Variants in LOXHD1 observed in about 807,000 individuals in gnomAD.
The protein encoded by LOXHD1 is lipoxygenase homology domain-containing protein 1.
In LOXHD1, 205 loss-of-function variants were observed where a neutral mutation model predicts 248.2. The observed-to-expected ratio is 0.83, with a 90% CI of 0.74 to 0.93. The LOEUF is 0.93. Among genes scored for constraint, LOXHD1 ranks in the 40% least tolerant of loss-of-function variants. The pLI is 0.00. For synonymous variants in LOXHD1, 1,113 were observed against 1,162.8 expected, an observed-to-expected ratio of 0.96 and a Z score of 0.87; for missense variants, 2,930 against 2,971.6, an observed-to-expected ratio of 0.99 and a Z score of 0.33.
chr18:46,560,048 T>TCCCGGG, intron 19 of LOXHD1, 35 bp downstream of exon 19: 1 of 1,226,298 alleles, frequency 8.2e-7, no homozygotes, highest in Non-Finnish European at 1.1e-6. Context: ...GTCTGGCCAC[T>TCCCGGG]CCCTCCCCAC....
At chr18:46,515,289 T>C (rs186471597) in intron 34 of LOXHD1, among the ~76,000 whole-genome samples, 99 of 152,322 alleles carry the variant, frequency 6.5e-4, no homozygotes, top group African/African-American at 2.2e-3. Flanking sequence ...AGTGGGTCTT[T>C]CTATCTATCT....
chr18:46,552,009 A>T (rs1568175477), intron 21 of LOXHD1, among the ~76,000 whole-genome samples: 1 of 152,248 alleles, frequency 6.6e-6, no homozygotes, highest in Non-Finnish European at 1.5e-5. Flanking sequence ...ACTCAAAGTC[A>T]TAGAGACAAA....
Position 46,534,938 on chromosome 18 carries a change from GC to G in LOXHD1, c.4096-488del, listed in dbSNP as rs139825232. On this transcript the variant is annotated intron_variant, in intron 26 of 40. Transcript: ENST00000642948. ...CAGTCCCTAGAACTCCACATTCCTT[GC>G]CACGGGGCCTTTGCACATGCTTTGC... 3.7e-3 allele frequency among the ~76,000 whole-genome samples: 567 copies of G among 152,198 alleles called. 1 individual carries two copies. Among genetic ancestry groups the G allele is most frequent in the African/African-American group, 0.013 (550 of 41,512 alleles).
At chr18:46,513,785 G>C (rs1165683145) in intron 34 of LOXHD1, among the ~76,000 whole-genome samples, 1 of 152,192 alleles carries the variant, frequency 6.6e-6, no homozygotes, top group East Asian at 1.9e-4. Context: ...TGGTAATTTT[G>C]TATCACCACT....
At chr18:46,502,258 G>T (rs1275540745) in intron 37 of LOXHD1, among the ~76,000 whole-genome samples, 1 of 152,152 alleles carries the variant, frequency 6.6e-6, no homozygotes, top group East Asian at 1.9e-4. Flanking sequence ...TTGGAAGGAA[G>T]GGTACAGTAT....
chr18:46,601,745 G>C (rs1182817657), intron 7 of LOXHD1: 5 of 432,606 alleles, frequency 1.2e-5, no homozygotes, highest in Non-Finnish European at 2.2e-5. Flanking sequence ...AACTAACAAA[G>C]AGAAGGAGGA....
Position 46,485,137 on chromosome 18 carries a change from T to C in LOXHD1, c.6064A>G (p.Ile2022Val), listed in dbSNP as rs1270198621. 1 of 1,549,798 alleles carries C rather than the reference T, an allele frequency of 6.5e-7. No individual in the cohort carries two copies. The highest frequency in any genetic ancestry group is 8.7e-7 in the Non-Finnish European group (1 of 1,146,492). The change falls in exon 39 of 41, where the codon ATA becomes GTA. Residue 2022 changes from isoleucine (I) to valine (V), a missense_variant. Ile to Val is a conservative substitution (Grantham distance 29). Transcript: ENST00000642948. ...ELEETTYEIV[I>V]ETGNGGETRE... is the part of the protein sequence containing the mutation. ...GTTTCGCCTCCGTTGCCCGTTTCTA[T>C]GACGATCTCGTAGGCTGTAATGGAG...
chr18:46,496,998 G>A (rs192739999), intron 37 of LOXHD1, among the ~76,000 whole-genome samples: 69 of 152,246 alleles, frequency 4.5e-4, no homozygotes, highest in African/African-American at 1.4e-3. Context: ...GTGAGACTCC[G>A]TCTCAAAAAT....
intron 34 of LOXHD1, among the ~76,000 whole-genome samples, chr18:46,516,755 T>G (rs1294584867): frequency 6.6e-6 from 1 of 151,752 alleles, no homozygotes; most frequent in Non-Finnish European, 1.5e-5. Flanking sequence ...ATTATCATCA[T>G]CATCACCATC....
At chr18:46,477,125 C>T (rs2143408452), downstream of LOXHD1, 1 of 716,232 alleles carries the variant, frequency 1.4e-6, no homozygotes, top group East Asian at 2.7e-5. Context: ...GCTTAAAATA[C>T]ACCATCTTGA....
chr18:46,656,883 C>A (rs549048914), intron 1 of LOXHD1, 21 bp downstream of exon 1: 5 of 1,549,972 alleles, frequency 3.2e-6, no homozygotes, highest in African/African-American at 1.4e-5. Context: ...CACCCGCCCC[C>A]CGCAGGCTGG....
intron 37 of LOXHD1, among the ~76,000 whole-genome samples, chr18:46,491,645 T>A (rs897003373): frequency 1.3e-5 from 2 of 152,122 alleles, no homozygotes; most frequent in African/African-American, 4.8e-5. Context: ...ATCACGAGAT[T>A]TTTTCTGTTG....
chr18:46,564,403 G>A (rs570412512), intron 17 of LOXHD1, among the ~76,000 whole-genome samples: 13 of 152,176 alleles, frequency 8.5e-5, no homozygotes, highest in African/African-American at 1.4e-4. Context: ...GTGGTGGCAC[G>A]TGCCTGTAGT....
intron 35 of LOXHD1, 111 bp from the exon 36 acceptor site, chr18:46,507,823 G>T: frequency 4.2e-6 from 5 of 1,199,920 alleles, no homozygotes; most frequent in Non-Finnish European, 5.7e-6. Flanking sequence ...TCCCAGACCT[G>T]AGACAAGCGC....
chr18:46,515,607 C>A (rs1311848275), intron 34 of LOXHD1, among the ~76,000 whole-genome samples: 3 of 152,104 alleles, frequency 2.0e-5, no homozygotes, highest in Admixed American at 6.5e-5. Flanking sequence ...AGCAATTAAG[C>A]CTTGTACATC....
At chr18:46,490,116 C>T (rs1406801539) in intron 37 of LOXHD1, among the ~76,000 whole-genome samples, 4 of 152,192 alleles carry the variant, frequency 2.6e-5, no homozygotes, top group Non-Finnish European at 5.9e-5. Flanking sequence ...GGTTGAGTTA[C>T]TCTCTTCTCT....
chr18:46,542,552 C>T (rs1295972317), intron 24 of LOXHD1, among the ~76,000 whole-genome samples, 175 bp downstream of exon 24: 1 of 151,908 alleles, frequency 6.6e-6, no homozygotes, highest in Non-Finnish European at 1.5e-5. Flanking sequence ...AGGCCAGAAA[C>T]TCTGTGTGCA....
chr18:46,513,526 A>C (rs1012491394), intron 34 of LOXHD1, among the ~76,000 whole-genome samples: 8 of 152,184 alleles, frequency 5.3e-5, no homozygotes, highest in African/African-American at 1.9e-4. Flanking sequence ...ACACATACAC[A>C]AAAGAGGTGG....
chr18:46,650,458 T>C (rs949295497), intron 1 of LOXHD1, among the ~76,000 whole-genome samples: 1 of 152,186 alleles, frequency 6.6e-6, no homozygotes, highest in Middle Eastern at 3.2e-3. Context: ...ATTGAGTGGT[T>C]GCTTACTGTA....
Sources: allele counts gnomAD v4.1 joint callset (sites outside exome capture counted in the v4.1 genomes callset), GRCh38; gene constraint gnomAD v4.1.1; transcripts MANE v1.5; gene names NCBI Gene and HGNC (gene_info 2026-07-23, HGNC 2026-07-21).